The following PJA2 variants were observed in gnomAD, a reference collection of about 807,000 sequenced individuals.
The protein encoded by PJA2 is E3 ubiquitin-protein ligase Praja-2.
Under a neutral mutation model 69.3 loss-of-function variants are expected in PJA2, and 25 were observed. That is an observed-to-expected ratio of 0.36 (90% CI 0.26 to 0.50). The LOEUF is 0.50. Ranked by LOEUF, PJA2 falls within the 20% of genes least tolerant of loss-of-function variation. The pLI, the probability that PJA2 is intolerant of heterozygous loss-of-function variation, is 0.96. For synonymous variants in PJA2, 308 were observed against 277.8 expected, an observed-to-expected ratio of 1.11 and a Z score of -1.08; for missense variants, 809 against 830.2, an observed-to-expected ratio of 0.97 and a Z score of 0.31.
chr5:109,342,603 A>T, intron 9 of PJA2, among the ~76,000 whole-genome samples: 1 of 65,576 alleles, frequency 1.5e-5, no homozygotes, highest in Non-Finnish European at 2.9e-5. Flanking sequence ...CCCTACTGGG[A>T]AGTGAGGAGC....
intron 1 of PJA2, among the ~76,000 whole-genome samples, chr5:109,406,125 G>T (rs1468638319): frequency 2.7e-5 from 4 of 149,168 alleles, no homozygotes; most frequent in African/African-American, 9.9e-5. Context: ...CTCACTGCGA[G>T]CTCCACCTCC....
intron 4 of PJA2, among the ~76,000 whole-genome samples, chr5:109,376,064 T>A (rs1226552117): frequency 6.6e-6 from 1 of 152,174 alleles, no homozygotes; most frequent in East Asian, 1.9e-4. Context: ...TAGAATTTAT[T>A]CTATGATTCT....
intron 1 of PJA2, among the ~76,000 whole-genome samples, chr5:109,389,289 T>C (rs1040544807): frequency 6.6e-6 from 1 of 152,152 alleles, no homozygotes; most frequent in Admixed American, 6.5e-5. Flanking sequence ...GGATTTTCTT[T>C]GTGGAAAGGT....
rs1056759319 is a variant in PJA2, at chr5:109,353,493, A to G, written c.1764+2422T>C. ...TCTATAGATATCTAATATATTAGAT[A>G]TCTATAATATCTATAGATATCTATA... is the stretch of plus-strand genomic sequence containing the variant. On this transcript the variant is annotated intron_variant, in intron 7 of 9. Coordinates refer to ENST00000361189, the MANE Select transcript of PJA2 (RefSeq NM_014819.5). 1.3e-4 allele frequency among the ~76,000 whole-genome samples: 13 copies of G among 97,516 alleles called. No individual in the cohort carries two copies. The South Asian group carries it at 3.8e-3, about 29-fold the overall frequency. 64.0% of individuals were successfully genotyped at this position (97,516 alleles called of 152,430 possible). A position where few individuals can be genotyped will look rare whatever the true frequency, so the allele number is the denominator to read the frequency against.
chr5:109,355,174 G>T (rs530225668), intron 7 of PJA2, among the ~76,000 whole-genome samples: 8 of 152,108 alleles, frequency 5.3e-5, no homozygotes, highest in African/African-American at 1.7e-4. Flanking sequence ...AAAATTTAAA[G>T]ACAAAATATA....
chr5:109,375,672 T>C (rs1746848695), intron 4 of PJA2, among the ~76,000 whole-genome samples: 1 of 152,184 alleles, frequency 6.6e-6, no homozygotes, highest in Non-Finnish European at 1.5e-5. Flanking sequence ...AGGCCCAAAT[T>C]AAGCAGCAGC....
intron 1 of PJA2, among the ~76,000 whole-genome samples, chr5:109,386,435 C>T (rs1747158962): frequency 6.6e-6 from 1 of 152,152 alleles, no homozygotes; most frequent in South Asian, 2.1e-4. Flanking sequence ...GGAAACAGTA[C>T]AGAAATCATG....
rs1746966562 is a variant in PJA2, at chr5:109,378,860, T to C, written c.627A>G (p.Ala209=). 6.2e-7 allele frequency: 1 copy of C among 1,614,120 alleles called. No individual in the cohort carries two copies. Among genetic ancestry groups the C allele is most frequent in the Non-Finnish European group, 8.5e-7 (1 of 1,180,032 alleles). The part of the protein sequence containing the change: ...NTVFELENRE[A]EAYTGLSPPV... ...GTGGTGAAAGACCAGTGTATGCCTC[T>C]GCCTCTCTGTTTTCCAACTCAAATA... is the stretch of plus-strand genomic sequence containing the variant. The change falls in exon 4 of 10, where the codon GCA becomes GCG. Residue 209 remains alanine, a synonymous_variant. Transcript: ENST00000361189.
At position 109,403,114 on chromosome 5, in the gene PJA2, T is replaced by C. The variant is rs936825382; in HGVS notation, c.-88+6728A>G. Among the ~76,000 whole-genome samples the C allele has an allele frequency of 2.0e-5, 3 of 150,792 alleles. No individual in the cohort carries two copies. In the South Asian group the frequency reaches 6.3e-4, roughly 32 times the overall value. On this transcript the variant is annotated intron_variant, in intron 1 of 9. Transcript: ENST00000361189. ...TCTGAAAAGATTAATAAAATAAACC[T>C]AGAACCAAATAAAAATGAGAGGTCA...
chr5:109,403,571 A>AT (rs1747611987), intron 1 of PJA2, among the ~76,000 whole-genome samples: 2 of 151,910 alleles, frequency 1.3e-5, no homozygotes, highest in African/African-American at 2.4e-5. Context: ...AAAAAAAAAA[A>AT]TTTCACCAAT....
At chr5:109,352,794 T>G (rs1369670061) in intron 7 of PJA2, among the ~76,000 whole-genome samples, 1 of 151,302 alleles carries the variant, frequency 6.6e-6, no homozygotes, top group Non-Finnish European at 1.5e-5. Context: ...ATATCTATAT[T>G]AGATATGTAT....
At chr5:109,403,130 T>C (rs555356123) in intron 1 of PJA2, among the ~76,000 whole-genome samples, 3 of 151,070 alleles carry the variant, frequency 2.0e-5, no homozygotes, top group African/African-American at 7.3e-5. Flanking sequence ...CAAATAAAAA[T>C]GAGAGGTCAC....
intron 1 of PJA2, among the ~76,000 whole-genome samples, chr5:109,392,511 A>T (rs950521201): frequency 5.3e-5 from 8 of 150,516 alleles, no homozygotes; most frequent in African/African-American, 1.2e-4. Flanking sequence ...CAGTGAGCCA[A>T]GACTGCCCCA....
In PJA2 at chr5:109,359,080, C is replaced by T. The variant is rs1486298174; in HGVS notation, c.1653-3054G>A. Among the ~76,000 whole-genome samples, 4 of 152,168 alleles carry T rather than the reference C, an allele frequency of 2.6e-5. No homozygotes were observed. In the South Asian group the frequency reaches 6.2e-4, roughly 24 times the overall value. ...GCAAGACCAATCCCTCCTCTTCCTC[C>T]TCAGCTTACTACTCAATATGAAGAC... On this transcript the variant is annotated intron_variant, in intron 6 of 9. Transcript: ENST00000361189.
In PJA2 at chr5:109,378,360, A is replaced by C. The variant is rs764413414; in HGVS notation, c.1127T>G (p.Leu376Trp). The change falls in exon 4 of 10, where the codon TTG (leucine) becomes TGG (tryptophan). Residue 376 changes from leucine (L) to tryptophan (W), a missense_variant. Leu to Trp is a moderately conservative substitution (Grantham distance 61, BLOSUM62 -2). This residue lies in a region of PJA2 where 700 missense variants were observed against 639.5 expected (regional missense o/e 1.09). Transcript: ENST00000361189. The stretch of plus-strand genomic sequence containing the variant: ...AATAACTCTTGAGTATGGTGGATCC[A>C]AGAACATACAGTCATGCTCTCCATC... ...EYDGEHDCMFLDPPYSRVITQ... is the reference protein window; with the variant it reads ...EYDGEHDCMFWDPPYSRVITQ... The C allele has an allele frequency of 2.5e-6, 4 of 1,614,186 alleles. No individual in the cohort carries two copies. Among genetic ancestry groups the C allele is most frequent in the Non-Finnish European group, 3.4e-6 (4 of 1,180,012 alleles).
intron 7 of PJA2, among the ~76,000 whole-genome samples, chr5:109,345,181 A>T (rs1453945573): frequency 2.6e-4 from 3 of 11,406 alleles, no homozygotes; most frequent in South Asian, 2.0e-3. Flanking sequence ...CGTCTCTAGT[A>T]AAAAAAAAAA....
rs780194858 is a variant in PJA2, at chr5:109,378,656, T to A, written c.831A>T (p.Arg277Ser). 49 of 1,614,066 alleles carry A rather than the reference T, an allele frequency of 3.0e-5. No homozygotes were observed. The highest frequency in any genetic ancestry group is 3.4e-5 in the Non-Finnish European group (40 of 1,180,034). Residue 277 changes from arginine to serine, a missense_variant, in exon 4 of 10, where the codon AGA becomes AGT. Physicochemically the swap from Arg to Ser is moderately radical, Grantham distance 110. Coordinates refer to ENST00000361189, the MANE Select transcript of PJA2 (RefSeq NM_014819.5). ...TKQQNNTSQE[R>S]QTEHSPEDAA... Reference sequence around the variant, plus strand: ...CATCTTCAGGTGAATGTTCTGTCTGTCTTTCCTGGCTAGTATTATTTTGTT... The same window carrying A: ...CATCTTCAGGTGAATGTTCTGTCTGACTTTCCTGGCTAGTATTATTTTGTT...
chr5:109,398,393 T>C (rs910697542), intron 1 of PJA2, among the ~76,000 whole-genome samples: 5 of 152,004 alleles, frequency 3.3e-5, no homozygotes, highest in African/African-American at 1.2e-4. Context: ...CCATCAATGA[T>C]AGACTGGATT....
At chr5:109,352,003 T>C (rs1561343828) in intron 7 of PJA2, among the ~76,000 whole-genome samples, 4 of 152,102 alleles carry the variant, frequency 2.6e-5, no homozygotes, top group Admixed American at 2.6e-4. Flanking sequence ...GAGTGAAACA[T>C]CTCAATCAAA....
Sources: allele counts gnomAD v4.1 joint callset (sites outside exome capture counted in the v4.1 genomes callset), GRCh38; gene constraint gnomAD v4.1.1; regional missense constraint gnomAD v4.1.1; transcripts MANE v1.5; gene names NCBI Gene and HGNC (gene_info 2026-07-23, HGNC 2026-07-21).